Variants in LINGO2 observed in about 807,000 individuals in gnomAD.
LINGO2 encodes leucine rich repeat and Ig domain containing 2, also known as leucine-rich repeat and immunoglobulin-like domain-containing nogo receptor-interacting protein 2.
LINGO2 carries 14 observed loss-of-function variants against 30.6 expected under a neutral mutation model. The ratio of observed to expected loss-of-function variants is 0.46; its 90% CI spans 0.30 to 0.72. The LOEUF is 0.72. LINGO2 is among the 30% of genes least tolerant of loss of function. LINGO2 has a pLI of 0.07. For missense variants in LINGO2, 729 were observed against 751.7 expected, an observed-to-expected ratio of 0.97 and a Z score of 0.35; for synonymous variants, 317 against 288.5, an observed-to-expected ratio of 1.10 and a Z score of -1.00.
intron 4 of LINGO2, among the ~76,000 whole-genome samples, chr9:28,030,762 C>T (rs771938514): frequency 3.2e-4 from 49 of 151,806 alleles, no homozygotes; most frequent in Non-Finnish European, 5.6e-4. Context: ...CAGCACACTA[C>T]ATTGTAGCTT....
intron 2 of LINGO2, among the ~76,000 whole-genome samples, chr9:28,462,103 A>G (rs552507769): frequency 1.3e-5 from 2 of 152,208 alleles, no homozygotes; most frequent in East Asian, 1.9e-4. Flanking sequence ...CTTTGTTTAC[A>G]TAAGTCCTAA....
At chr9:28,558,945 A>G (rs2135541404) in intron 1 of LINGO2, among the ~76,000 whole-genome samples, 1 of 152,196 alleles carries the variant, frequency 6.6e-6, no homozygotes, top group East Asian at 1.9e-4. Context: ...TGCCCCAAAT[A>G]AAGAGATTTA....
the LINGO2 span, among the ~76,000 whole-genome samples, chr9:28,939,974 C>T: frequency 6.6e-6 from 1 of 152,118 alleles, no homozygotes; most frequent in African/African-American, 2.4e-5. Context: ...TTTGTCAATA[C>T]TTACGAAACT....
intron 1 of LINGO2, among the ~76,000 whole-genome samples, chr9:28,624,730 G>T (rs1166502299): frequency 6.7e-6 from 1 of 150,258 alleles, no homozygotes; most frequent in African/African-American, 2.4e-5. Flanking sequence ...ACTTTTTTTT[G>T]AAATAGTTTG....
chr9:28,831,544 A>G, the LINGO2 span, among the ~76,000 whole-genome samples: 2 of 152,166 alleles, frequency 1.3e-5, no homozygotes, highest in African/African-American at 2.4e-5. Flanking sequence ...TCAGCCAGAA[A>G]TGTTCATCAG....
At chr9:28,410,216 T>C (rs1479253653) in intron 2 of LINGO2, among the ~76,000 whole-genome samples, 5 of 152,078 alleles carry the variant, frequency 3.3e-5, no homozygotes, top group East Asian at 3.9e-4. Flanking sequence ...GAGGTTATAA[T>C]TTGATTCAGC....
Position 28,147,734 on chromosome 9 carries a change from G to A in LINGO2, c.-86-135329C>T, listed in dbSNP as rs1827856326. On this transcript the variant is annotated intron_variant, in intron 4 of 5. Transcript: ENST00000379992. The surrounding 1 kb of genome is among the most constrained non-coding windows in gnomAD (Gnocchi z 4.7). ...CAGGGCCACACAACTGCCCCCAGGAGCAGGACGTCCCTGAGGCTAGAGTCC... is the reference window on the plus strand; with the variant it reads ...CAGGGCCACACAACTGCCCCCAGGAACAGGACGTCCCTGAGGCTAGAGTCC... Among the ~76,000 whole-genome samples, 1 of 152,180 alleles carries A rather than the reference G, an allele frequency of 6.6e-6. No individual in the cohort carries two copies. Among genetic ancestry groups the A allele is most frequent in the African/African-American group, 2.4e-5 (1 of 41,464 alleles).
At chr9:28,159,771 G>C (rs896548273) in intron 4 of LINGO2, among the ~76,000 whole-genome samples, 1 of 152,162 alleles carries the variant, frequency 6.6e-6, no homozygotes. Context: ...TTACCAGATT[G>C]CTTAACTAAC....
chr9:29,127,828 C>A, the LINGO2 span, among the ~76,000 whole-genome samples: 1 of 152,084 alleles, frequency 6.6e-6, no homozygotes, highest in African/African-American at 2.4e-5. Flanking sequence ...AGTGGCAACT[C>A]GTCCAGGGTG....
the LINGO2 span, among the ~76,000 whole-genome samples, chr9:28,940,772 C>T: frequency 6.6e-6 from 1 of 152,130 alleles, no homozygotes; most frequent in Non-Finnish European, 1.5e-5. Context: ...CAAATTGCCC[C>T]TATTTAATAG....
In LINGO2 at chr9:28,092,059, A is replaced by G. The variant is rs1826107467; in HGVS notation, c.-86-79654T>C. 2.0e-5 allele frequency among the ~76,000 whole-genome samples: 3 copies of G among 152,122 alleles called. No homozygotes were observed. The South Asian group carries it at 6.2e-4, about 32-fold the overall frequency. On this transcript the variant is annotated intron_variant, in intron 4 of 5. Transcript: ENST00000379992. ...AGTCAGGAAACAACAGGTGCTGGAG[A>G]GAATGTGAAGAAACAGGAACACTTT...
chr9:28,043,292 A>C (rs1198007), intron 4 of LINGO2, among the ~76,000 whole-genome samples: 113,578 of 152,162 alleles, frequency 0.75, 44,363 homozygotes, highest in Non-Finnish European at 0.87. Flanking sequence ...CCTGTTTCAG[A>C]CAGCCATTGT....
At chr9:29,180,781 G>C in the LINGO2 span, among the ~76,000 whole-genome samples, 1 of 152,136 alleles carries the variant, frequency 6.6e-6, no homozygotes, top group Non-Finnish European at 1.5e-5. Flanking sequence ...GGCAAAGAAA[G>C]CAAAATCAGT....
At chr9:28,705,573 C>T in the LINGO2 span, among the ~76,000 whole-genome samples, 20 of 152,162 alleles carry the variant, frequency 1.3e-4, no homozygotes, top group African/African-American at 2.2e-4. Flanking sequence ...CAGAATGCTC[C>T]GGAGTATTTC....
At chr9:28,400,692 A>G (rs1449978277) in intron 2 of LINGO2, among the ~76,000 whole-genome samples, 1 of 152,216 alleles carries the variant, frequency 6.6e-6, no homozygotes, top group African/African-American at 2.4e-5. Flanking sequence ...AGAAGAGTTG[A>G]GACAAAAGGG....
chr9:29,025,849 AT>A, the LINGO2 span, among the ~76,000 whole-genome samples: 4 of 152,054 alleles, frequency 2.6e-5, no homozygotes, highest in African/African-American at 9.6e-5. Context: ...ATTCTATGTG[AT>A]TAACTTGTTT....
rs10968480 is a variant in LINGO2, at chr9:28,307,846, T to G, written c.-245-12480A>C. Among the ~76,000 whole-genome samples, 2,431 of 152,066 alleles carry G rather than the reference T, an allele frequency of 0.016. 146 individuals carry two copies. In the East Asian group the frequency reaches 0.19, roughly 12 times the overall value. Reference sequence around the variant, plus strand: ...CTATTCACAATTGCTTCAAAGAGAATAAAATACCTAGAAATCCAACTTACA... The same window carrying G: ...CTATTCACAATTGCTTCAAAGAGAAGAAAATACCTAGAAATCCAACTTACA... On this transcript the variant is annotated intron_variant, in intron 3 of 5. Transcript: ENST00000379992.
Position 27,960,578 on chromosome 9 carries a change from A to G in LINGO2, c.-35-9872T>C, listed in dbSNP as rs190561299. Among the ~76,000 whole-genome samples the G allele has an allele frequency of 9.0e-3, 1,358 of 150,678 alleles. 19 individuals are homozygous for G. Among genetic ancestry groups the G allele is most frequent in the African/African-American group, 0.031 (1,291 of 41,090 alleles). On this transcript the variant is annotated intron_variant, in intron 5 of 5. Coordinates refer to ENST00000379992, the Ensembl canonical transcript of LINGO2. ...GCGTGACATTTTAAATGATTAAAAC[A>G]GCCACTCTAGCTTTCTTAAAGTTTT... is the stretch of plus-strand genomic sequence containing the variant.
chr9:27,949,245 T>C, exon 6 of LINGO2: 1 of 1,614,094 alleles, frequency 6.2e-7, no homozygotes, highest in Non-Finnish European at 8.5e-7. Flanking sequence ...CCCGCTGTCT[T>C]GATCCTGGGC....
Sources: allele counts gnomAD v4.1 joint callset (sites outside exome capture counted in the v4.1 genomes callset), GRCh38; gene constraint gnomAD v4.1.1; non-coding constraint Gnocchi (gnomAD v3.1); transcripts MANE v1.5; gene names NCBI Gene and HGNC (gene_info 2026-07-23, HGNC 2026-07-21).